Variants in FKBP9 observed in about 807,000 individuals in gnomAD.
The protein encoded by FKBP9 is FKBP prolyl isomerase 9.
In FKBP9, 27 loss-of-function variants were observed where a neutral mutation model predicts 55.6. The ratio of observed to expected loss-of-function variants is 0.49; its 90% confidence interval spans 0.36 to 0.67. The LOEUF (loss-of-function observed/expected upper bound fraction) is 0.67. Ranked by LOEUF, FKBP9 falls within the 30% of genes least tolerant of loss-of-function variation. The pLI is 0.00. For synonymous variants in FKBP9, 267 were observed against 296.5 expected (o/e 0.90, Z 1.02); for missense variants, 539 against 742.8 (o/e 0.73, Z 3.19).
At chr7:32,967,497 C>T (rs1784167596) in intron 1 of FKBP9, among the ~76,000 whole-genome samples, 1 of 152,172 alleles carries the variant, frequency 6.6e-6, no homozygotes, top group African/African-American at 2.4e-5. Context: ...CTTTCTGTGA[C>T]TGGCTTATTT....
At chr7:32,957,953 C>T (rs1228051747) in intron 1 of FKBP9, among the ~76,000 whole-genome samples, 159 bp downstream of exon 1, 1 of 152,266 alleles carries the variant, frequency 6.6e-6, no homozygotes, top group Admixed American at 6.5e-5. Context: ...AGACCCTCCG[C>T]CGCGGGTGAG....
At chr7:32,962,315 A>G (rs1175731765) in intron 1 of FKBP9, among the ~76,000 whole-genome samples, 3 of 152,048 alleles carry the variant, frequency 2.0e-5, no homozygotes, top group Non-Finnish European at 4.4e-5. Context: ...AATCGCTTGA[A>G]CCTGGGAGGT....
chr7:32,978,395 G>A (rs529666543), intron 4 of FKBP9, among the ~76,000 whole-genome samples: 1 of 151,882 alleles, frequency 6.6e-6, no homozygotes, highest in Admixed American at 6.6e-5. Context: ...TAGAGACAGG[G>A]TCTCACTCTG....
Position 32,974,777 on chromosome 7 carries a change from C to T in FKBP9, c.367+15C>T. The T allele has an allele frequency of 1.9e-6, 3 of 1,610,576 alleles. No homozygotes were observed. The highest frequency in any genetic ancestry group is 8.5e-7 in the Non-Finnish European group (1 of 1,177,876). The stretch of plus-strand genomic sequence containing the variant: ...TGAAGGAGTTTGTAAGCTTTTCTTC[C>T]TCGTTTATAAACACGTCAGCAGAAA... On this transcript the variant is annotated intron_variant, in intron 2 of 9. Coordinates refer to ENST00000242209, the MANE Select transcript of FKBP9 (RefSeq NM_007270.5).
At chr7:32,958,752 C>T (rs1346484070) in intron 1 of FKBP9, among the ~76,000 whole-genome samples, 1 of 152,222 alleles carries the variant, frequency 6.6e-6, no homozygotes, top group Non-Finnish European at 1.5e-5. Context: ...AAGCCCAGAA[C>T]TCCTTCTCTC....
chr7:32,960,185 T>C (rs1177836355), intron 1 of FKBP9, among the ~76,000 whole-genome samples: 1 of 143,428 alleles, frequency 7.0e-6, no homozygotes, highest in South Asian at 2.3e-4. Context: ...CGATCACAGC[T>C]CACTGCAACC....
chr7:33,002,512 C>T (rs1448769044), intron 8 of FKBP9, among the ~76,000 whole-genome samples, 164 bp from the exon 9 acceptor site: 5 of 152,186 alleles, frequency 3.3e-5, no homozygotes, highest in Non-Finnish European at 7.3e-5. Context: ...CATTAACGGG[C>T]CACTGCCTAC....
intron 4 of FKBP9, among the ~76,000 whole-genome samples, chr7:32,979,802 CTATT>C (rs1446662162): frequency 3.9e-5 from 6 of 152,040 alleles, no homozygotes; most frequent in Non-Finnish European, 5.9e-5. Flanking sequence ...GATTTGAGGA[CTATT>C]TATTTATATT....
intron 7 of FKBP9, 46 bp downstream of exon 7, chr7:32,996,395 G>A: frequency 4.4e-6 from 6 of 1,360,170 alleles, no homozygotes; most frequent in Non-Finnish European, 5.2e-6. Flanking sequence ...GAGGGTGACA[G>A]TTGCATGCTC....
Position 32,973,201 on chromosome 7 carries a change from T to G in FKBP9, c.222-1416T>G, listed in dbSNP as rs1331347736. Reference sequence around the variant, plus strand: ...TGTACTTTATATCCCCCAAAGCACCTGGCACAGTCCCCTAATAGGCAAACC... The same window carrying G: ...TGTACTTTATATCCCCCAAAGCACCGGGCACAGTCCCCTAATAGGCAAACC... On this transcript the variant is annotated intron_variant, in intron 1 of 9. Coordinates refer to ENST00000242209, the MANE Select transcript of FKBP9 (RefSeq NM_007270.5). 5.3e-5 allele frequency among the ~76,000 whole-genome samples: 8 copies of G among 152,156 alleles called. No individual in the cohort carries two copies. In the South Asian group the frequency reaches 1.7e-3, roughly 32 times the overall value.
Position 33,000,193 on chromosome 7 carries a change from G to T in FKBP9, c.1305G>T (p.Glu435Asp). 1 of 1,613,760 alleles carries T rather than the reference G, an allele frequency of 6.2e-7. No individual in the cohort carries two copies. The highest frequency in any genetic ancestry group is 1.1e-5 in the South Asian group (1 of 91,056). ...TGGGGATGGACATGGGTCTCAGAGA[G>T]ATGTGCGTTGGCGAGAAACGGACAG... ...VVLGMDMGLR[E>D]MCVGEKRTVI... The change falls in exon 8 of 10, where the codon GAG becomes GAT. Residue 435 changes from glutamate to aspartate, a missense_variant. Coordinates refer to ENST00000242209, the MANE Select transcript of FKBP9 (RefSeq NM_007270.5).
chr7:32,967,150 A>G (rs1277544144), intron 1 of FKBP9, among the ~76,000 whole-genome samples: 1 of 152,146 alleles, frequency 6.6e-6, no homozygotes, highest in Non-Finnish European at 1.5e-5. Context: ...TGATAGCAGC[A>G]TTCCCCACCC....
rs1007738040 is a variant in FKBP9 at position 32,999,397 on chromosome 7, C to T, written c.1227-718C>T. Among the ~76,000 whole-genome samples the T allele has an allele frequency of 4.6e-5, 7 of 150,692 alleles. No individual in the cohort carries two copies. In the South Asian group the frequency reaches 8.4e-4, roughly 18 times the overall value. ...GCGTAGATTTATTTTTAGTAGTGAC[C>T]GAAGTGATAGAGCAAACTTTTTTTT... is the stretch of plus-strand genomic sequence containing the variant. On this transcript the variant is annotated intron_variant, in intron 7 of 9. Coordinates refer to ENST00000242209, the MANE Select transcript of FKBP9 (RefSeq NM_007270.5).
chr7:32,977,870 C>T (rs1483880538), intron 4 of FKBP9, among the ~76,000 whole-genome samples: 3 of 124,660 alleles, frequency 2.4e-5, no homozygotes, highest in Non-Finnish European at 3.2e-5. Context: ...TATACATGCC[C>T]ATATATATAT....
intron 6 of FKBP9, among the ~76,000 whole-genome samples, chr7:32,990,381 A>G (rs1784657321): frequency 6.6e-6 from 1 of 152,224 alleles, no homozygotes; most frequent in Non-Finnish European, 1.5e-5. Context: ...GGCAGCCTCC[A>G]AAAGGAACAT....
At chr7:32,968,164 G>A (rs537607456) in intron 1 of FKBP9, among the ~76,000 whole-genome samples, 5 of 152,218 alleles carry the variant, frequency 3.3e-5, no homozygotes, top group South Asian at 4.1e-4. Flanking sequence ...TCAACCTCCC[G>A]AGTACCTGGG....
In FKBP9 at chr7:32,988,573, A is replaced by G. The variant is rs1202198875; in HGVS notation, c.960A>G (p.Glu320=). 16 of 1,613,736 alleles carry G rather than the reference A, an allele frequency of 9.9e-6. No homozygotes were observed. Among genetic ancestry groups the G allele is most frequent in the Non-Finnish European group, 1.4e-5 (16 of 1,179,830 alleles). The change falls in exon 6 of 10, where the codon GAA becomes GAG. Residue 320 remains glutamate, a synonymous_variant. Coordinates refer to ENST00000242209, the MANE Select transcript of FKBP9 (RefSeq NM_007270.5). ...GCTACGTGATTCCTGGGATGGATGA[A>G]GGTCTACTTGGTGTTTGCATTGGAG... is the stretch of plus-strand genomic sequence containing the variant. ...GQGYVIPGMD[E]GLLGVCIGEK...
rs760725655 is a variant in FKBP9, at chr7:32,957,772, G to A, written c.199G>A (p.Asp67Asn). 1.8e-5 allele frequency: 27 copies of A among 1,461,604 alleles called. No individual in the cohort carries two copies. Among genetic ancestry groups the A allele is most frequent in the Non-Finnish European group, 2.7e-6 (3 of 1,108,836 alleles). 90.5% of individuals were successfully genotyped at this position (1,461,604 alleles called of 1,614,324 possible). A position where few individuals can be genotyped will look rare whatever the true frequency, so the allele number is the denominator to read the frequency against. Residue 67 changes from aspartate to asparagine, a missense_variant, in exon 1 of 10, where the codon GAC becomes AAC. By Grantham distance (23) the Asp-to-Asn change is conservative. This residue lies in a region of FKBP9 where 236 missense variants were observed against 271.5 expected (regional missense o/e 0.87). Transcript: ENST00000242209. The stretch of plus-strand genomic sequence containing the variant: ...CTACCACTACGTGGGGACGTTCCCC[G>A]ACGGCCAGAAGTTCGACTCCAGGTA... ...VRYHYVGTFP[D>N]GQKFDSSYDR... is the part of the protein sequence containing the mutation.
intron 8 of FKBP9, among the ~76,000 whole-genome samples, 180 bp from the exon 9 acceptor site, chr7:33,002,496 G>A (rs1386307026): frequency 6.6e-6 from 1 of 152,152 alleles, no homozygotes; most frequent in South Asian, 2.1e-4. Flanking sequence ...AACTGATTTC[G>A]TGAGTCATTA....
Sources: allele counts gnomAD v4.1 joint callset (sites outside exome capture counted in the v4.1 genomes callset), GRCh38; gene constraint gnomAD v4.1.1; regional missense constraint gnomAD v4.1.1; transcripts MANE v1.5; gene names NCBI Gene and HGNC (gene_info 2026-07-23, HGNC 2026-07-21).